AHCYL2: variants seen among roughly 807,000 people sequenced by gnomAD.
AHCYL2 encodes S-adenosylhomocysteine hydrolase-like protein 2.
AHCYL2 carries 28 observed loss-of-function variants against 81.4 expected under a neutral mutation model. The ratio of observed to expected loss-of-function variants is 0.34; its 90% CI spans 0.25 to 0.47. The LOEUF (loss-of-function observed/expected upper bound fraction) is 0.47. Ranked by LOEUF, AHCYL2 falls within the 20% of genes least tolerant of loss-of-function variation. AHCYL2 has a pLI of 1.00. For synonymous variants in AHCYL2, 272 were observed against 290.2 expected (o/e 0.94, Z 0.64); for missense variants, 551 against 785.1 (o/e 0.70, Z 3.56).
At chr7:129,409,968 A>T (rs1207687736) in intron 11 of AHCYL2, 1 of 602,312 alleles carries the variant, frequency 1.7e-6, no homozygotes, top group African/African-American at 1.9e-5. Context: ...GTGCAAGTGA[A>T]GCATCAGTAA....
At chr7:129,399,538 G>A (rs949523938) in intron 5 of AHCYL2, among the ~76,000 whole-genome samples, 2 of 152,198 alleles carry the variant, frequency 1.3e-5, no homozygotes, top group African/African-American at 4.8e-5. Context: ...ACACTTAACT[G>A]GGCTATGAAT....
intron 1 of AHCYL2, among the ~76,000 whole-genome samples, chr7:129,259,711 G>A (rs1017994462): frequency 6.6e-6 from 1 of 152,130 alleles, no homozygotes; most frequent in African/African-American, 2.4e-5. Flanking sequence ...GAGTGAAAAC[G>A]ACGACTCACT....
intron 12 of AHCYL2, among the ~76,000 whole-genome samples, chr7:129,420,477 CTTTTTTTTTT>C (rs11414828): frequency 1.6e-5 from 2 of 126,838 alleles, no homozygotes; most frequent in Non-Finnish European, 3.3e-5. Flanking sequence ...TGCTTAAATT[CTTTTTTTTTT>C]TTTTTTTTTG....
intron 1 of AHCYL2, among the ~76,000 whole-genome samples, chr7:129,285,516 A>T (rs1383347410): frequency 2.6e-5 from 4 of 152,004 alleles, no homozygotes; most frequent in Non-Finnish European, 5.9e-5. Flanking sequence ...TCTAAATTTC[A>T]GTTTTGGCAA....
At chr7:129,381,952 TG>T (rs1236824988) in intron 2 of AHCYL2, among the ~76,000 whole-genome samples, 4 of 152,234 alleles carry the variant, frequency 2.6e-5, no homozygotes, top group Non-Finnish European at 4.4e-5. Flanking sequence ...TTTTGTTTTT[TG>T]TTTCTTTCTT....
At position 129,368,825 on chromosome 7, in the gene AHCYL2, TG is replaced by T. The variant is rs1294379772; in HGVS notation, c.364-10812del. Among the ~76,000 whole-genome samples the T allele has an allele frequency of 6.6e-6, 1 of 152,172 alleles. No homozygotes were observed. The highest frequency in any genetic ancestry group is 1.5e-5 in the Non-Finnish European group (1 of 68,024). ...AGGGGCTTTCCTCCGGCTGCTGGTG[TG>T]ATGTATGGGTTGTGTTTCCTGTGAC... On this transcript the variant is annotated intron_variant, in intron 1 of 16. Coordinates refer to ENST00000325006, the MANE Select transcript of AHCYL2 (RefSeq NM_015328.4). The surrounding 1 kb of genome is among the most constrained non-coding windows in gnomAD (Gnocchi z 4.4).
intron 1 of AHCYL2, among the ~76,000 whole-genome samples, chr7:129,281,503 T>A (rs1274831493): frequency 1.4e-5 from 2 of 143,750 alleles, no homozygotes; most frequent in Non-Finnish European, 3.1e-5. Flanking sequence ...TTTTTTTTTT[T>A]TTTTTTTTTT....
chr7:129,391,306 G>T (rs1429952055), intron 4 of AHCYL2, among the ~76,000 whole-genome samples: 1 of 152,102 alleles, frequency 6.6e-6, no homozygotes, highest in Middle Eastern at 3.2e-3. Flanking sequence ...AAAAACTATT[G>T]TTTTGTATTA....
At chr7:129,384,215 T>C (rs1026994499) in intron 2 of AHCYL2, among the ~76,000 whole-genome samples, 1 of 150,274 alleles carries the variant, frequency 6.7e-6, no homozygotes, top group African/African-American at 2.4e-5. Context: ...ATAGCACTTA[T>C]CATATAACAT....
At chr7:129,277,145 G>T (rs1352218578) in intron 1 of AHCYL2, among the ~76,000 whole-genome samples, 1 of 151,778 alleles carries the variant, frequency 6.6e-6, no homozygotes, top group Non-Finnish European at 1.5e-5. Flanking sequence ...TTTATAAAGG[G>T]GTATAATTGA....
intron 1 of AHCYL2, among the ~76,000 whole-genome samples, chr7:129,351,217 C>T (rs1793551978): frequency 6.6e-6 from 1 of 152,110 alleles, no homozygotes. Flanking sequence ...ATAAGGAACA[C>T]TTTTGGATTT....
chr7:129,416,783 A>C (rs978491777), intron 12 of AHCYL2, among the ~76,000 whole-genome samples: 3 of 150,330 alleles, frequency 2.0e-5, no homozygotes, highest in African/African-American at 7.4e-5. Flanking sequence ...CTGGGTGACA[A>C]GAGCGAAATT....
At chr7:129,375,751 C>A in intron 1 of AHCYL2, 1 of 1,493,404 alleles carries the variant, frequency 6.7e-7, no homozygotes, top group Non-Finnish European at 8.9e-7. Flanking sequence ...TCCCCCACTC[C>A]CCAGCCCAAA....
intron 1 of AHCYL2, among the ~76,000 whole-genome samples, chr7:129,322,698 C>A (rs567019926): frequency 5.9e-5 from 9 of 152,202 alleles, no homozygotes; most frequent in African/African-American, 1.9e-4. Context: ...CTCAAGCCAT[C>A]CTCCCACTTC....
rs143300756 is a variant in AHCYL2 at position 129,355,597 on chromosome 7, A to G, written c.364-24041A>G. 2.8e-3 allele frequency among the ~76,000 whole-genome samples: 428 copies of G among 152,272 alleles called. 2 individuals are homozygous for G. Among genetic ancestry groups the G allele is most frequent in the African/African-American group, 9.2e-3 (383 of 41,548 alleles). On this transcript the variant is annotated intron_variant, in intron 1 of 16. Transcript: ENST00000325006. ...AATAATAAGAATCAATGTATTTTAT[A>G]TATTTATTTTGGAGGACCTTAAAGT...
chr7:129,297,554 C>T (rs537239953), intron 1 of AHCYL2, among the ~76,000 whole-genome samples: 37 of 152,242 alleles, frequency 2.4e-4, no homozygotes, highest in African/African-American at 3.1e-4. Flanking sequence ...GAAATTTCTA[C>T]GTAGCTCTGG....
At chr7:129,273,428 A>G (rs1215808035) in intron 1 of AHCYL2, among the ~76,000 whole-genome samples, 1 of 136,996 alleles carries the variant, frequency 7.3e-6, no homozygotes, top group Non-Finnish European at 1.5e-5. Context: ...TCCCTGGTTC[A>G]AGCAATTCTC....
chr7:129,308,695 G>A (rs1797532071), intron 1 of AHCYL2, among the ~76,000 whole-genome samples: 1 of 152,116 alleles, frequency 6.6e-6, no homozygotes, highest in South Asian at 2.1e-4. Flanking sequence ...TTAAAAAACA[G>A]AAACATTCAG....
At chr7:129,229,291 TC>T (rs1794336457) in intron 1 of AHCYL2, among the ~76,000 whole-genome samples, 1 of 152,142 alleles carries the variant, frequency 6.6e-6, no homozygotes, top group South Asian at 2.1e-4. Flanking sequence ...GCTTTCAAAC[TC>T]CCGACCTCAG....
Sources: allele counts gnomAD v4.1 joint callset (sites outside exome capture counted in the v4.1 genomes callset), GRCh38; gene constraint gnomAD v4.1.1; non-coding constraint Gnocchi (gnomAD v3.1); transcripts MANE v1.5; gene names NCBI Gene and HGNC (gene_info 2026-07-23, HGNC 2026-07-21).